The following NPAP1 variants were observed in gnomAD, a reference collection of about 807,000 sequenced individuals.
The protein encoded by NPAP1 is nuclear pore associated protein 1, also known as nuclear pore-associated protein 1.
For missense variants in NPAP1, 1,483 were observed against 1,454.5 expected, an observed-to-expected ratio of 1.02 and a Z score of -0.32; for synonymous variants, 616 against 581.4, an observed-to-expected ratio of 1.06 and a Z score of -0.86.
At position 24,679,968 on chromosome 15, in the gene NPAP1, ATTG is replaced by A. The variant is rs1469993368; in HGVS notation, c.*633_*635del. ...TCCTTTTGACTTTAGAGGAACCAGC[ATTG>A]TTTTTGTTTTGGTTTGTTTGTTTGT... is the stretch of plus-strand genomic sequence containing the variant. On this transcript the variant is annotated 3_prime_UTR_variant, in exon 1 of 1. Coordinates refer to ENST00000329468, the MANE Select transcript of NPAP1 (RefSeq NM_018958.3). The A allele has an allele frequency of 5.3e-6, 1 of 190,250 alleles. No individual in the cohort carries two copies. The highest frequency in any genetic ancestry group is 1.7e-4 in the East Asian group (1 of 5,880). 11.8% of individuals were successfully genotyped at this position (190,250 alleles called of 1,614,324 possible).
Position 24,679,368 on chromosome 15 carries a change from C to A in NPAP1, c.*30C>A. 6.9e-7 allele frequency: 1 copy of A among 1,458,496 alleles called. No individual in the cohort carries two copies. The highest frequency in any genetic ancestry group is 9.5e-7 in the Non-Finnish European group (1 of 1,048,254). 90.3% of individuals were successfully genotyped at this position (1,458,496 alleles called of 1,614,324 possible). A position where few individuals can be genotyped will look rare whatever the true frequency, so the allele number is the denominator to read the frequency against. ...ACCTGTGGTTCACCTGATCACACCA[C>A]ATCAGTTGTGGTTGTAAATACCAGC... On this transcript the variant is annotated 3_prime_UTR_variant, in exon 1 of 1. Transcript: ENST00000329468.
At position 24,676,330 on chromosome 15, in the gene NPAP1, G is replaced by A. The variant is rs2141307774; in HGVS notation, c.463G>A (p.Glu155Lys). 1 of 1,525,412 alleles carries A rather than the reference G, an allele frequency of 6.6e-7. No individual in the cohort carries two copies. The highest frequency in any genetic ancestry group is 8.8e-7 in the Non-Finnish European group (1 of 1,139,670). The allele number at this position is 1,525,412 out of a possible 1,614,324, so 94.5% of individuals were successfully genotyped here. A position where few individuals can be genotyped will look rare whatever the true frequency, so the allele number is the denominator to read the frequency against. Residue 155 changes from glutamate to lysine, a missense_variant, in exon 1 of 1, where the codon GAA becomes AAA. Glu to Lys is a moderately conservative substitution (Grantham distance 56). Transcript: ENST00000329468. ...GGAGGAGACCGAGGTGTGGGCCCAA[G>A]AAGGGCCCAGAAGAGTGAAGAAGGA... Reference protein sequence around the residue: ...LLEETEVWAQEGPRRVKKDED... With the variant: ...LLEETEVWAQKGPRRVKKDED...
At position 24,677,757 on chromosome 15, in the gene NPAP1, T is replaced by C; in HGVS notation, c.1890T>C (p.Asn630=). The change falls in exon 1 of 1, where the codon AAT becomes AAC. Residue 630 remains asparagine (N), a synonymous_variant. Coordinates refer to ENST00000329468, the MANE Select transcript of NPAP1 (RefSeq NM_018958.3). Reference sequence around the variant, plus strand: ...CCCCACTTCCATTTATATTCCACAATACCACCCCAAGTTTTAACCAACTCT... The same window carrying C: ...CCCCACTTCCATTTATATTCCACAACACCACCCCAAGTTTTAACCAACTCT... ...YTSPLPFIFH[N]TTPSFNQLFG... The C allele has an allele frequency of 6.2e-7, 1 of 1,614,082 alleles. No homozygotes were observed. Among genetic ancestry groups the C allele is most frequent in the Non-Finnish European group, 8.5e-7 (1 of 1,180,032 alleles).
chr15:24,675,946 C>CCCCTGTCCCGGGACGCCT lies in NPAP1; in HGVS notation c.83_100dup (p.Leu28_Ser33dup). ...AGGGCCAGGGCGTGGCGCCCCCGCT[C>CCCCTGTCCCGGGACGCCT]CCCTGTCCCGGGACGCCTCCCCGCC... On this transcript the variant is annotated inframe_insertion, in exon 1 of 1. Transcript: ENST00000329468. The CCCCTGTCCCGGGACGCCT allele has an allele frequency of 1.3e-6, 2 of 1,590,034 alleles. No individual in the cohort carries two copies. The highest frequency in any genetic ancestry group is 2.2e-5 in the South Asian group (2 of 88,962).
Position 24,676,495 on chromosome 15 carries a change from G to A in NPAP1, c.628G>A (p.Gly210Arg), listed in dbSNP as rs1309188013. ...SFRCSPGPLE[G>R]NVYHKFSENS... Reference sequence around the variant, plus strand: ...CAGATGCAGCCCTGGGCCTCTGGAGGGAAATGTCTACCACAAGTTCTCAGA... The same window carrying A: ...CAGATGCAGCCCTGGGCCTCTGGAGAGAAATGTCTACCACAAGTTCTCAGA... Residue 210 changes from glycine to arginine, a missense_variant, in exon 1 of 1, where the codon GGA becomes AGA. Transcript: ENST00000329468. 5.0e-6 allele frequency: 8 copies of A among 1,614,026 alleles called. No homozygotes were observed. The African/African-American group carries it at 6.7e-5, about 13-fold the overall frequency.
rs754348988 is a variant in NPAP1, at chr15:24,677,589, A to G, written c.1722A>G (p.Glu574=). 1.2e-6 allele frequency: 2 copies of G among 1,614,190 alleles called. No homozygotes were observed. The highest frequency in any genetic ancestry group is 3.3e-5 in the Admixed American group (2 of 60,020). ...HLTSQTAVDP[E]VVNMDTTAPS... Reference sequence around the variant, plus strand: ...CCTCACAGACTGCGGTAGACCCTGAAGTAGTTAATATGGATACTACTGCCC... The same window carrying G: ...CCTCACAGACTGCGGTAGACCCTGAGGTAGTTAATATGGATACTACTGCCC... Residue 574 remains glutamate, a synonymous_variant, in exon 1 of 1, where the codon GAA becomes GAG. Transcript: ENST00000329468.
At position 24,676,609 on chromosome 15, in the gene NPAP1, T is replaced by A. The variant is rs754789228; in HGVS notation, c.742T>A (p.Cys248Ser). 1.2e-6 allele frequency: 2 copies of A among 1,613,898 alleles called. No individual in the cohort carries two copies. Among genetic ancestry groups the A allele is most frequent in the South Asian group, 2.2e-5 (2 of 91,082 alleles). ...GCCCAGCACACACAGCCAGGCCGGA[T>A]GTGCCCGGCATCTTGGAAAGCCTGA... ...AMPSTHSQAG[C>S]ARHLGKPDPD... Residue 248 changes from cysteine to serine, a missense_variant, in exon 1 of 1, where the codon TGT (cysteine) becomes AGT (serine). Coordinates refer to ENST00000329468, the MANE Select transcript of NPAP1 (RefSeq NM_018958.3).
chr15:24,679,489 C>A lies in NPAP1; in HGVS notation c.*151C>A, dbSNP rs540065049. 74 of 644,334 alleles carry A rather than the reference C, an allele frequency of 1.1e-4. No individual in the cohort carries two copies. Among genetic ancestry groups the A allele is most frequent in the Non-Finnish European group, 1.8e-4 (64 of 360,914 alleles). 39.9% of individuals were successfully genotyped at this position (644,334 alleles called of 1,614,324 possible). A position where few individuals can be genotyped will look rare whatever the true frequency, so the allele number is the denominator to read the frequency against. ...ACTCAGGTTGTGCACCAGGAGGGGA[C>A]AACAACATCCCTGTGCTCCCTTTCT... On this transcript the variant is annotated 3_prime_UTR_variant, in exon 1 of 1. Transcript: ENST00000329468.
rs2141312460 is a variant in NPAP1, at chr15:24,678,359, C to T, written c.2492C>T (p.Ser831Phe). 1 of 1,614,114 alleles carries T rather than the reference C, an allele frequency of 6.2e-7. No individual in the cohort carries two copies. The highest frequency in any genetic ancestry group is 8.5e-7 in the Non-Finnish European group (1 of 1,180,036). Reference protein sequence around the residue: ...DTSDMNTTPPSKTVILQSTFV... With the variant: ...DTSDMNTTPPFKTVILQSTFV... ...AGTGACATGAATACCACCCCTCCTT[C>T]CAAAACTGTCATCTTGCAGTCTACC... is the stretch of plus-strand genomic sequence containing the variant. Residue 831 changes from serine (S) to phenylalanine (F), a missense_variant, in exon 1 of 1, where the codon TCC becomes TTC. Transcript: ENST00000329468.
In NPAP1 at chr15:24,675,967, C is replaced by T. The variant is rs1314708367; in HGVS notation, c.100C>T (p.Pro34Ser). The T allele has an allele frequency of 1.3e-6, 2 of 1,593,104 alleles. No homozygotes were observed. The highest frequency in any genetic ancestry group is 1.7e-6 in the Non-Finnish European group (2 of 1,171,874). ...CGCTCCCCTGTCCCGGGACGCCTCC[C>T]CGCCCGGTCGGGCTCACTCTGTACC... ...APAPLSRDAS[P>S]PGRAHSVPTP... The change falls in exon 1 of 1, where the codon CCG becomes TCG. Residue 34 changes from proline (P) to serine (S), a missense_variant. Transcript: ENST00000329468.
rs755681616 is a variant in NPAP1, at chr15:24,676,022, G to A, written c.155G>A (p.Arg52His). ...PTPRPFRGLFRRNARRRPSAA... is the reference protein window; with the variant it reads ...PTPRPFRGLFHRNARRRPSAA... ...CCGCGCCCTTTCCGCGGCCTGTTCC[G>A]CCGGAACGCCCGTCGCAGGCCTTCA... Residue 52 changes from arginine to histidine, a missense_variant, in exon 1 of 1, where the codon CGC becomes CAC. By Grantham distance (29) the Arg-to-His change is conservative. Transcript: ENST00000329468. The A allele has an allele frequency of 1.5e-5, 24 of 1,596,768 alleles. No individual in the cohort carries two copies. The highest frequency in any genetic ancestry group is 2.0e-5 in the Non-Finnish European group (23 of 1,173,206).
rs1160534543 is a variant in NPAP1, at chr15:24,678,452, A to G, written c.2585A>G (p.His862Arg). The part of the protein sequence containing the change: ...MGLPGSGNTL[H>R]SDSIASAQVS... The stretch of plus-strand genomic sequence containing the variant: ...CTTCCTGGTTCTGGGAACACACTAC[A>G]CAGTGACAGCATTGCCTCAGCCCAA... The change falls in exon 1 of 1, where the codon CAC (histidine) becomes CGC (arginine). Residue 862 changes from histidine to arginine, a missense_variant. Coordinates refer to ENST00000329468, the MANE Select transcript of NPAP1 (RefSeq NM_018958.3). 6.2e-7 allele frequency: 1 copy of G among 1,613,636 alleles called. No homozygotes were observed. Among genetic ancestry groups the G allele is most frequent in the South Asian group, 1.1e-5 (1 of 91,054 alleles).
Position 24,675,899 on chromosome 15 carries a change from G to A in NPAP1, c.32G>A (p.Gly11Glu), listed in dbSNP as rs2048971286. ...AATTTACTTAGTAAATTTAGACCCGGGTGCCGCCGCCGGCCCCTGCCAGGG... is the reference window on the plus strand; with the variant it reads ...AATTTACTTAGTAAATTTAGACCCGAGTGCCGCCGCCGGCCCCTGCCAGGG... MGNLLSKFRP[G>E]CRRRPLPGPG... Residue 11 changes from glycine (G) to glutamate (E), a missense_variant, in exon 1 of 1, where the codon GGG (glycine) becomes GAG (glutamate). By Grantham distance (98) the Gly-to-Glu change is moderately conservative (BLOSUM62 -2). Coordinates refer to ENST00000329468, the MANE Select transcript of NPAP1 (RefSeq NM_018958.3). 6.3e-7 allele frequency: 1 copy of A among 1,578,160 alleles called. No homozygotes were observed. Among genetic ancestry groups the A allele is most frequent in the African/African-American group, 1.4e-5 (1 of 72,212 alleles).
Position 24,679,027 on chromosome 15 carries a change from T to C in NPAP1, c.3160T>C (p.Phe1054Leu), listed in dbSNP as rs2141313955. The C allele has an allele frequency of 6.2e-7, 1 of 1,614,142 alleles. No homozygotes were observed. The highest frequency in any genetic ancestry group is 8.5e-7 in the Non-Finnish European group (1 of 1,180,020). Reference sequence around the variant, plus strand: ...ACCCAGCACCACTTCTGTTTTCCCATTTGGTCAGGCAGCCTGGGACCCAAC... The same window carrying C: ...ACCCAGCACCACTTCTGTTTTCCCACTTGGTCAGGCAGCCTGGGACCCAAC... ...GTPSTTSVFP[F>L]GQAAWDPTGH... Residue 1054 changes from phenylalanine (F) to leucine (L), a missense_variant, in exon 1 of 1, where the codon TTT becomes CTT. Phe to Leu is a conservative substitution (Grantham distance 22). Transcript: ENST00000329468.
At position 24,682,516 on chromosome 15, in the gene NPAP1, AT is replaced by A. The variant is rs2049023733; in HGVS notation, c.*3184del. The A allele has an allele frequency of 1.2e-5, 2 of 167,058 alleles. No individual in the cohort carries two copies. The allele number at this position is 167,058 out of a possible 1,614,324, so 10.3% of individuals were successfully genotyped here. A position where few individuals can be genotyped will look rare whatever the true frequency, so the allele number is the denominator to read the frequency against. On this transcript the variant is annotated 3_prime_UTR_variant, in exon 1 of 1. Transcript: ENST00000329468. Reference sequence around the variant, plus strand: ...TGAAACTATTTCTAAATATTCTTTTATTTTTTATTAAGATAAAAAGCAAACA... The same window carrying A: ...TGAAACTATTTCTAAATATTCTTTTATTTTTATTAAGATAAAAAGCAAACA...
rs1200121129 is a variant in NPAP1, at chr15:24,676,085, C to T, written c.218C>T (p.Pro73Leu). 1 of 1,568,088 alleles carries T rather than the reference C, an allele frequency of 6.4e-7. No homozygotes were observed. The highest frequency in any genetic ancestry group is 1.9e-5 in the Admixed American group (1 of 52,690). The change falls in exon 1 of 1, where the codon CCT (proline) becomes CTT (leucine). Residue 73 changes from proline (P) to leucine (L), a missense_variant. Transcript: ENST00000329468. ...TTCGTCGCCCCTAAGAGGCCGTGTC[C>T]TCTCCCTCGGGCTGCGGCCGCCCCT... Reference protein sequence around the residue: ...SIFVAPKRPCPLPRAAAAPLG... With the variant: ...SIFVAPKRPCLLPRAAAAPLG...
At position 24,678,895 on chromosome 15, in the gene NPAP1, G is replaced by A. The variant is rs150300590; in HGVS notation, c.3028G>A (p.Gly1010Arg). 5,210 of 1,614,098 alleles carry A rather than the reference G, an allele frequency of 3.2e-3. 28 individuals carry two copies. The highest frequency in any genetic ancestry group is 5.8e-3 in the Middle Eastern group (35 of 6,058). ...NTIPGPQVIM[G>R]PGTPMDGGSI... The stretch of plus-strand genomic sequence containing the variant: ...TATTCCAGGCCCACAAGTGATTATG[G>A]GACCTGGAACCCCTATGGATGGTGG... The change falls in exon 1 of 1, where the codon GGA becomes AGA. Residue 1010 changes from glycine to arginine, a missense_variant. Physicochemically the swap from Gly to Arg is moderately radical, Grantham distance 125. Coordinates refer to ENST00000329468, the MANE Select transcript of NPAP1 (RefSeq NM_018958.3).
Position 24,677,098 on chromosome 15 carries a change from C to T in NPAP1, c.1231C>T (p.Leu411=), listed in dbSNP as rs2048981896. The part of the protein sequence containing the change: ...FSQPVQTTDS[L]PLTTYTSQVS... ...CCAACCTGTGCAGACCACAGACTCCCTGCCCCTGACCACTTACACTTCCCA... is the reference window on the plus strand; with the variant it reads ...CCAACCTGTGCAGACCACAGACTCCTTGCCCCTGACCACTTACACTTCCCA... Residue 411 remains leucine (L), a synonymous_variant, in exon 1 of 1, where the codon CTG becomes TTG. Transcript: ENST00000329468. 1.9e-6 allele frequency: 3 copies of T among 1,614,160 alleles called. No individual in the cohort carries two copies. The highest frequency in any genetic ancestry group is 2.5e-6 in the Non-Finnish European group (3 of 1,180,042).
Position 24,681,106 on chromosome 15 carries a change from G to C in NPAP1, c.*1768G>C, listed in dbSNP as rs1414080933. 1 of 167,330 alleles carries C rather than the reference G, an allele frequency of 6.0e-6. No individual in the cohort carries two copies. Among genetic ancestry groups the C allele is most frequent in the Non-Finnish European group, 1.5e-5 (1 of 68,158 alleles). 10.4% of individuals were successfully genotyped at this position (167,330 alleles called of 1,614,324 possible). ...CATGGAGCAGTTAGTAAGGAAATGT[G>C]GCTGGAATGGAGTCAGCAAGTGGGA... On this transcript the variant is annotated 3_prime_UTR_variant, in exon 1 of 1. Coordinates refer to ENST00000329468, the MANE Select transcript of NPAP1 (RefSeq NM_018958.3).
Sources: gnomAD v4.1 joint callset for allele counts on GRCh38, gnomAD v4.1.1 for gene constraint, MANE v1.5 for transcripts, NCBI Gene and HGNC (gene_info 2026-07-23, HGNC 2026-07-21) for gene names.